The following ZNF12 variants were observed in gnomAD, a reference collection of about 807,000 sequenced individuals.
ZNF12 encodes the protein zinc finger protein 12.
Under a neutral mutation model 66.6 loss-of-function variants are expected in ZNF12, and 34 were observed. The observed-to-expected ratio is 0.51, with a 90% CI of 0.39 to 0.68. The LOEUF is 0.68. ZNF12 is among the 30% of genes least tolerant of loss of function. The probability of loss-of-function intolerance (pLI) is 0.00; values close to 1 mark genes in which losing one functional copy is unlikely to be tolerated. For missense variants in ZNF12, 697 were observed against 826.9 expected, an observed-to-expected ratio of 0.84 and a Z score of 1.93; for synonymous variants, 320 against 278.9, an observed-to-expected ratio of 1.15 and a Z score of -1.47.
intron 1 of ZNF12, among the ~76,000 whole-genome samples, chr7:6,706,032 G>C (rs886588759): frequency 6.6e-6 from 1 of 152,152 alleles, no homozygotes; most frequent in Non-Finnish European, 1.5e-5. Context: ...ACCTGCTAAG[G>C]CCCTTCCCCT....
At chr7:6,699,737 A>G (rs1017017611) in intron 2 of ZNF12, among the ~76,000 whole-genome samples, 1 of 152,146 alleles carries the variant, frequency 6.6e-6, no homozygotes, top group Non-Finnish European at 1.5e-5. Context: ...TGTCCACCTG[A>G]TATCTGTCAG....
Position 6,696,268 on chromosome 7 carries a change from G to C in ZNF12, c.238+1071C>G, listed in dbSNP as rs1780152985. Among the ~76,000 whole-genome samples, 2 of 152,194 alleles carry C rather than the reference G, an allele frequency of 1.3e-5. No individual in the cohort carries two copies. Among genetic ancestry groups the C allele is most frequent in the Non-Finnish European group, 2.9e-5 (2 of 68,038 alleles). On this transcript the variant is annotated intron_variant, in intron 4 of 4. Transcript: ENST00000405858. This position sits in a 1 kb window ranked among gnomAD's most constrained non-coding sequence, Gnocchi z 4.0. ...AAAATCCAGTAATCCAGAGAGATCA[G>C]TAATATCTGATGAGAATTTCAGTGG...
At chr7:6,701,604 G>T (rs376556584) in intron 2 of ZNF12, among the ~76,000 whole-genome samples, 2 of 152,252 alleles carry the variant, frequency 1.3e-5, no homozygotes, top group African/African-American at 4.8e-5. Context: ...ATGTGTGGGG[G>T]TGGTTAGGAT....
At position 6,690,803 on chromosome 7, in the gene ZNF12, T is replaced by G; in HGVS notation, c.*45A>C. 1 of 1,510,942 alleles carries G rather than the reference T, an allele frequency of 6.6e-7. No homozygotes were observed. Among genetic ancestry groups the G allele is most frequent in the South Asian group, 1.3e-5 (1 of 74,308 alleles). 93.6% of individuals were successfully genotyped at this position (1,510,942 alleles called of 1,614,324 possible). ...TTTGACTTCAGGCAGGAGTTTCTGA[T>G]TCACTATACTGAAAGGGTTCTCTGA... On this transcript the variant is annotated 3_prime_UTR_variant, in exon 5 of 5. Coordinates refer to ENST00000405858, the MANE Select transcript of ZNF12 (RefSeq NM_016265.4).
rs1780156196 is a variant in ZNF12 at position 6,696,430 on chromosome 7, T to C, written c.238+909A>G. On this transcript the variant is annotated intron_variant, in intron 4 of 4. Transcript: ENST00000405858. The surrounding 1 kb of genome is among the most constrained non-coding windows in gnomAD (Gnocchi z 4.0). Reference sequence around the variant, plus strand: ...GGCCTGATGAGAACAAGAGCAGCTCTGTAACTGGTATCACAGAAAATACCA... The same window carrying C: ...GGCCTGATGAGAACAAGAGCAGCTCCGTAACTGGTATCACAGAAAATACCA... 6.6e-6 allele frequency among the ~76,000 whole-genome samples: 1 copy of C among 152,234 alleles called. No individual in the cohort carries two copies.
rs1780094628 is a variant in ZNF12, at chr7:6,692,776, T to C, written c.239-73A>G. ...ATATGATATGGAATGAGATTCATGA[T>C]TTGTACACACGCATCTCATTGTGAG... is the stretch of plus-strand genomic sequence containing the variant. On this transcript the variant is annotated intron_variant, in intron 4 of 4. Coordinates refer to ENST00000405858, the MANE Select transcript of ZNF12 (RefSeq NM_016265.4). The surrounding 1 kb of genome is among the most constrained non-coding windows in gnomAD (Gnocchi z 5.1). 7.1e-7 allele frequency: 1 copy of C among 1,410,374 alleles called. No individual in the cohort carries two copies. The highest frequency in any genetic ancestry group is 9.5e-7 in the Non-Finnish European group (1 of 1,048,690). 87.4% of individuals were successfully genotyped at this position (1,410,374 alleles called of 1,614,324 possible). A position where few individuals can be genotyped will look rare whatever the true frequency, so the allele number is the denominator to read the frequency against.
At chr7:6,694,174 A>C (rs1016145002) in intron 4 of ZNF12, among the ~76,000 whole-genome samples, 2 of 151,872 alleles carry the variant, frequency 1.3e-5, no homozygotes, top group Admixed American at 6.6e-5. Context: ...CTCAAAAAAA[A>C]AAACAAAACA....
chr7:6,688,892 C>A lies in ZNF12; in HGVS notation c.*1956G>T, dbSNP rs1029616195. 1.3e-5 allele frequency: 2 copies of A among 152,646 alleles called. No homozygotes were observed. The highest frequency in any genetic ancestry group is 4.8e-5 in the African/African-American group (2 of 41,454). The allele number at this position is 152,646 out of a possible 1,614,324, so 9.5% of individuals were successfully genotyped here. On this transcript the variant is annotated 3_prime_UTR_variant, in exon 5 of 5. Coordinates refer to ENST00000405858, the MANE Select transcript of ZNF12 (RefSeq NM_016265.4). This position sits in a 1 kb window ranked among gnomAD's most constrained non-coding sequence, Gnocchi z 4.3. ...AAAGGAGGTATGCCTAACATTGTGT[C>A]ACGTTCCAAAGGTGAATTTTGCAGG...
Position 6,691,749 on chromosome 7 carries a change from T to C in ZNF12, c.1193A>G (p.Asp398Gly), listed in dbSNP as rs1345951658. The C allele has an allele frequency of 6.2e-7, 1 of 1,613,832 alleles. No individual in the cohort carries two copies. Among genetic ancestry groups the C allele is most frequent in the South Asian group, 1.1e-5 (1 of 91,062 alleles). ...KTFSQKSALNDHQKIHTGVKL... is the reference protein window; with the variant it reads ...KTFSQKSALNGHQKIHTGVKL... Reference sequence around the variant, plus strand: ...CACACCTGTGTGAATTTTCTGATGGTCATTAAGTGCTGACTTCTGCGAGAA... The same window carrying C: ...CACACCTGTGTGAATTTTCTGATGGCCATTAAGTGCTGACTTCTGCGAGAA... The change falls in exon 5 of 5, where the codon GAC becomes GGC. Residue 398 changes from aspartate to glycine, a missense_variant. Around this residue, in one of 3 missense-constraint regions of ZNF12, gnomAD observed 401 missense variants for 519.0 expected, o/e 0.77. Coordinates refer to ENST00000405858, the MANE Select transcript of ZNF12 (RefSeq NM_016265.4).
chr7:6,699,370 A>G (rs927310242), intron 2 of ZNF12, among the ~76,000 whole-genome samples: 1 of 152,190 alleles, frequency 6.6e-6, no homozygotes, highest in African/African-American at 2.4e-5. Flanking sequence ...CCAGCTCTAG[A>G]TATAGGCGTA....
In ZNF12 at chr7:6,697,620, T is replaced by G; in HGVS notation, c.142+65A>C. On this transcript the variant is annotated intron_variant, in intron 3 of 4. Coordinates refer to ENST00000405858, the MANE Select transcript of ZNF12 (RefSeq NM_016265.4). This position sits in a 1 kb window ranked among gnomAD's most constrained non-coding sequence, Gnocchi z 6.1. Reference sequence around the variant, plus strand: ...ACATTCGTCCCATCAAATTTTAAGTTAAAGTCATAAAATTTGTGAGAAATC... The same window carrying G: ...ACATTCGTCCCATCAAATTTTAAGTGAAAGTCATAAAATTTGTGAGAAATC... 1 of 1,603,054 alleles carries G rather than the reference T, an allele frequency of 6.2e-7. No homozygotes were observed. The highest frequency in any genetic ancestry group is 2.2e-5 in the East Asian group (1 of 44,752).
Position 6,697,697 on chromosome 7 carries a change from G to C in ZNF12, c.130C>G (p.Leu44Val). 1 of 1,614,050 alleles carries C rather than the reference G, an allele frequency of 6.2e-7. No individual in the cohort carries two copies. The highest frequency in any genetic ancestry group is 8.5e-7 in the Non-Finnish European group (1 of 1,179,976). The change falls in exon 3 of 5, where the codon CTA becomes GTA. Residue 44 changes from leucine to valine, a missense_variant. By Grantham distance (32) the Leu-to-Val change is conservative. This residue lies in a region of ZNF12 where 55 missense variants were observed against 83.9 expected (regional missense o/e 0.66). Coordinates refer to ENST00000405858, the MANE Select transcript of ZNF12 (RefSeq NM_016265.4). This position sits in a 1 kb window ranked among gnomAD's most constrained non-coding sequence, Gnocchi z 6.1. ...AAGCTATCCTCACCCACAGAAACTA[G>C]ATTGCTGTAGTTCTCCAGCATCACA... ...RDVMLENYSN[L>V]VSVGYHIIKP...
Position 6,691,615 on chromosome 7 carries a change from C to T in ZNF12, c.1327G>A (p.Gly443Arg). 6.2e-7 allele frequency: 1 copy of T among 1,614,004 alleles called. No homozygotes were observed. Among genetic ancestry groups the T allele is most frequent in the Non-Finnish European group, 8.5e-7 (1 of 1,179,932 alleles). Reference sequence around the variant, plus strand: ...TATGACAACCGAGAGAAGAATTTTCCACACTCATTACATTCATACGGTTTC... The same window carrying T: ...TATGACAACCGAGAGAAGAATTTTCTACACTCATTACATTCATACGGTTTC... ...GEKPYECNEC[G>R]KFFSRLSYLT... Residue 443 changes from glycine to arginine, a missense_variant, in exon 5 of 5, where the codon GGA (glycine) becomes AGA (arginine). Coordinates refer to ENST00000405858, the MANE Select transcript of ZNF12 (RefSeq NM_016265.4).
intron 2 of ZNF12, chr7:6,704,197 G>A (rs954922156): frequency 6.6e-6 from 1 of 151,856 alleles, no homozygotes; most frequent in African/African-American, 2.4e-5. Context: ...AAATGAGCTG[G>A]GTGTGGTGGC....
chr7:6,701,922 TTC>T (rs1204310766), intron 2 of ZNF12, among the ~76,000 whole-genome samples: 3 of 149,862 alleles, frequency 2.0e-5, no homozygotes, highest in Non-Finnish European at 4.4e-5. Flanking sequence ...ACTATCCAAT[TTC>T]TCTTTTTCCT....
chr7:6,702,486 C>CCACACACACA lies in ZNF12; in HGVS notation c.15+2663_15+2672dup, dbSNP rs59156870. ...ACGCACCAGATTCGTCTCCCAAACTCCACACACACACACACACACACAGAT... is the reference window on the plus strand; with the variant it reads ...ACGCACCAGATTCGTCTCCCAAACTCCACACACACACACACACACACACACACACACAGAT... On this transcript the variant is annotated intron_variant, in intron 2 of 4. Coordinates refer to ENST00000405858, the MANE Select transcript of ZNF12 (RefSeq NM_016265.4). Among the ~76,000 whole-genome samples the CCACACACACA allele has an allele frequency of 1.6e-4, 7 of 42,758 alleles. 1 individual carries two copies. The highest frequency in any genetic ancestry group is 4.3e-4 in the African/African-American group (3 of 7,038). 28.1% of individuals were successfully genotyped at this position (42,758 alleles called of 152,430 possible). A position where few individuals can be genotyped will look rare whatever the true frequency, so the allele number is the denominator to read the frequency against.
In ZNF12 at chr7:6,697,779, G is replaced by C; in HGVS notation, c.48C>G (p.Asp16Glu). Residue 16 changes from aspartate to glutamate, a missense_variant, in exon 3 of 5, where the codon GAC becomes GAG. By Grantham distance (45) the Asp-to-Glu change is conservative. Transcript: ENST00000405858. The surrounding 1 kb of genome is among the most constrained non-coding windows in gnomAD (Gnocchi z 6.1). ...GCTGCTGCCATTCCTCCTGGGTGAA[G>C]TCCACAGCCACGTCCTTGAATGACA... ...GPVSFKDVAVDFTQEEWQQLD... is the reference protein window; with the variant it reads ...GPVSFKDVAVEFTQEEWQQLD... 6.2e-7 allele frequency: 1 copy of C among 1,614,178 alleles called. No individual in the cohort carries two copies. The highest frequency in any genetic ancestry group is 8.5e-7 in the Non-Finnish European group (1 of 1,180,046).
intron 4 of ZNF12, among the ~76,000 whole-genome samples, chr7:6,693,206 T>G (rs1780101718): frequency 6.6e-6 from 1 of 152,246 alleles, no homozygotes; most frequent in Admixed American, 6.5e-5. Flanking sequence ...GCATTAGCAC[T>G]GTATACTAAG....
At chr7:6,694,397 G>C (rs1292632763) in intron 4 of ZNF12, among the ~76,000 whole-genome samples, 1 of 152,136 alleles carries the variant, frequency 6.6e-6, no homozygotes, top group Non-Finnish European at 1.5e-5. Flanking sequence ...AAAAATCTGA[G>C]AGACAATACT....
Sources: gnomAD v4.1 joint callset for allele counts (sites outside exome capture counted in the v4.1 genomes callset) on GRCh38, gnomAD v4.1.1 for gene constraint, gnomAD v4.1.1 regional missense constraint, Gnocchi (gnomAD v3.1) non-coding constraint, MANE v1.5 for transcripts, NCBI Gene and HGNC (gene_info 2026-07-23, HGNC 2026-07-21) for gene names.